Variants in UBN1 observed in about 807,000 individuals in gnomAD.
UBN1 encodes the protein ubinuclein-1.
A neutral mutation model predicts 108.5 loss-of-function variants in UBN1; 17 were observed. The observed-to-expected ratio is 0.16, with a 90% confidence interval of 0.11 to 0.24. The LOEUF (loss-of-function observed/expected upper bound fraction) is 0.24, where lower values mean the gene tolerates loss of function less well. UBN1 is among the 10% of genes least tolerant of loss of function. UBN1 has a pLI of 1.00. For missense variants in UBN1, 1,595 were observed against 1,394.4 expected, an observed-to-expected ratio of 1.14 and a Z score of -2.29; for synonymous variants, 726 against 564.2, an observed-to-expected ratio of 1.29 and a Z score of -4.07.
intron 17 of UBN1, among the ~76,000 whole-genome samples, chr16:4,879,726 G>A (rs190454676): frequency 6.6e-6 from 1 of 152,346 alleles, no homozygotes; most frequent in African/African-American, 2.4e-5. Flanking sequence ...TTGATGGTAA[G>A]AGAATGAATG....
intron 1 of UBN1, 85 bp from the exon 2 acceptor site, chr16:4,852,794 C>A: frequency 1.5e-6 from 2 of 1,307,546 alleles, no homozygotes; most frequent in Non-Finnish European, 1.0e-6. Flanking sequence ...CAATGAAATT[C>A]TCTTAAACTT....
intron 2 of UBN1, among the ~76,000 whole-genome samples, chr16:4,856,027 G>C (rs1022089347): frequency 6.6e-6 from 1 of 152,238 alleles, no homozygotes; most frequent in Non-Finnish European, 1.5e-5. Context: ...TCAGCCTGTT[G>C]CATGAGCACC....
At chr16:4,859,289 A>G in intron 5 of UBN1, 130 bp downstream of exon 5, 2 of 1,309,736 alleles carry the variant, frequency 1.5e-6, no homozygotes, top group South Asian at 2.8e-5. Flanking sequence ...GAGCCGTGCC[A>G]GGTTGATGGC....
intron 1 of UBN1, chr16:4,852,560 T>G (rs2142113998): frequency 6.2e-6 from 1 of 160,538 alleles, no homozygotes; most frequent in Admixed American, 6.2e-5. Context: ...TTAGACAAAT[T>G]AAATGGAAAA....
chr16:4,881,305 A>C lies in UBN1; in HGVS notation c.*1173A>C, dbSNP rs779473831. ...CTGGGGCTCTCCAGGCAGTGGGGTT[A>C]TGTGTCGACTGAAGGGTGATGTGCA... On this transcript the variant is annotated 3_prime_UTR_variant, in exon 18 of 18. Transcript: ENST00000262376. 9 of 152,584 alleles carry C rather than the reference A, an allele frequency of 5.9e-5. No homozygotes were observed. Among genetic ancestry groups the C allele is most frequent in the Non-Finnish European group, 1.2e-4 (8 of 68,086 alleles). The allele number at this position is 152,584 out of a possible 1,614,324, so 9.5% of individuals were successfully genotyped here. A position where few individuals can be genotyped will look rare whatever the true frequency, so the allele number is the denominator to read the frequency against.
At chr16:4,862,040 T>G (rs190167635) in intron 7 of UBN1, among the ~76,000 whole-genome samples, 1 of 152,366 alleles carries the variant, frequency 6.6e-6, no homozygotes, top group Non-Finnish European at 1.5e-5. Context: ...TCTGTTCAAG[T>G]AACACATTTC....
At position 4,866,436 on chromosome 16, in the gene UBN1, A is replaced by T. The variant is rs562166387; in HGVS notation, c.1111-2397A>T. Among the ~76,000 whole-genome samples the T allele has an allele frequency of 3.3e-5, 5 of 152,374 alleles. No homozygotes were observed. In the East Asian group the frequency reaches 9.6e-4, roughly 29 times the overall value. On this transcript the variant is annotated intron_variant, in intron 7 of 17. Coordinates refer to ENST00000262376, the MANE Select transcript of UBN1 (RefSeq NM_001079514.3). ...TCTTCATTTGTTGATTCATTCACTC[A>T]GTCAACATTTAGTAAATATTATGTG...
intron 8 of UBN1, 123 bp from the exon 9 acceptor site, chr16:4,870,089 G>A: frequency 7.0e-7 from 1 of 1,428,412 alleles, no homozygotes; most frequent in Non-Finnish European, 9.5e-7. Flanking sequence ...GTTACATTGT[G>A]TGACCAACAA....
At chr16:4,861,351 C>CT (rs1179459176) in intron 7 of UBN1, among the ~76,000 whole-genome samples, 1 of 152,218 alleles carries the variant, frequency 6.6e-6, no homozygotes, top group Non-Finnish European at 1.5e-5. Context: ...AGATTGTTCT[C>CT]TTTCTGTTTT....
rs1009174275 is a variant in UBN1, at chr16:4,880,001, C to T, written c.3356-82C>T. The T allele has an allele frequency of 6.1e-6, 9 of 1,482,316 alleles. No individual in the cohort carries two copies. The East Asian group carries it at 2.0e-4, about 34-fold the overall frequency. 91.8% of individuals were successfully genotyped at this position (1,482,316 alleles called of 1,614,324 possible). ...GGGACTTTTGCTATTTAGGTGTCTC[C>T]CTTGAAGTTTGGTTACTACTGCCTT... is the stretch of plus-strand genomic sequence containing the variant. On this transcript the variant is annotated intron_variant, in intron 17 of 17. Coordinates refer to ENST00000262376, the MANE Select transcript of UBN1 (RefSeq NM_001079514.3).
chr16:4,874,330 G>A lies in UBN1; in HGVS notation c.1920G>A (p.Glu640=). 1.9e-6 allele frequency: 3 copies of A among 1,614,160 alleles called. No homozygotes were observed. Among genetic ancestry groups the A allele is most frequent in the South Asian group, 1.1e-5 (1 of 91,080 alleles). ...GGLSIGASSR[E]LPSQASGGLA... is the part of the protein sequence containing the mutation. ...TGAGTATTGGGGCCTCGAGCAGGGA[G>A]CTCCCATCCCAGGCATCGGGCGGCC... is the stretch of plus-strand genomic sequence containing the variant. The change falls in exon 15 of 18, where the codon GAG becomes GAA. Residue 640 remains glutamate, a synonymous_variant. Transcript: ENST00000262376.
At chr16:4,848,459 T>C (rs1473631766) in intron 1 of UBN1, 2 of 152,218 alleles carry the variant, frequency 1.3e-5, no homozygotes, top group African/African-American at 4.8e-5. Context: ...AAGGATTGAC[T>C]TAGACTTGGT....
At position 4,871,215 on chromosome 16, in the gene UBN1, C is replaced by G. The variant is rs770053372; in HGVS notation, c.1620C>G (p.Asn540Lys). Reference protein sequence around the residue: ...KLESQDLERNNKAQAWEDCVK... With the variant: ...KLESQDLERNKKAQAWEDCVK... The stretch of plus-strand genomic sequence containing the variant: ...AGAGCCAGGACCTGGAGAGGAACAA[C>G]AAAGCCCAGGCTTGGGAGGACTGTG... The change falls in exon 12 of 18, where the codon AAC (asparagine) becomes AAG (lysine). Residue 540 changes from asparagine (N) to lysine (K), a missense_variant. Physicochemically the swap from Asn to Lys is moderately conservative, Grantham distance 94. Around this residue, in one of 3 missense-constraint regions of UBN1, gnomAD observed 1,398 missense variants for 1,194.7 expected, o/e 1.17. Transcript: ENST00000262376. 6.2e-7 allele frequency: 1 copy of G among 1,614,258 alleles called. No individual in the cohort carries two copies. Among genetic ancestry groups the G allele is most frequent in the Non-Finnish European group, 8.5e-7 (1 of 1,180,052 alleles).
At position 4,868,923 on chromosome 16, in the gene UBN1, C is replaced by T; in HGVS notation, c.1181+20C>T. 2.5e-6 allele frequency: 4 copies of T among 1,612,452 alleles called. No individual in the cohort carries two copies. Among genetic ancestry groups the T allele is most frequent in the Admixed American group, 1.7e-5 (1 of 59,840 alleles). On this transcript the variant is annotated intron_variant, in intron 8 of 17. Coordinates refer to ENST00000262376, the MANE Select transcript of UBN1 (RefSeq NM_001079514.3). ...ATTAGAGTGAGTATCGTCTGTCTGT[C>T]TGTCTGTCTGTCTGTTTCTGCTATT...
At position 4,872,930 on chromosome 16, in the gene UBN1, A is replaced by G. The variant is rs778289948; in HGVS notation, c.1753A>G (p.Ile585Val). ...SRRGHGHLTSILAKKKVMAPS... is the reference protein window; with the variant it reads ...SRRGHGHLTSVLAKKKVMAPS... ...ACGAGGCCATGGGCACCTGACTTCA[A>G]TCCTGTGAGTGTCTTGGTATTTTCA... is the stretch of plus-strand genomic sequence containing the variant. The change falls in exon 13 of 18, where the codon ATC becomes GTC. Residue 585 changes from isoleucine to valine, a missense_variant. Ile to Val is a conservative substitution (Grantham distance 29). Coordinates refer to ENST00000262376, the MANE Select transcript of UBN1 (RefSeq NM_001079514.3). 2 of 1,614,196 alleles carry G rather than the reference A, an allele frequency of 1.2e-6. No homozygotes were observed. Among genetic ancestry groups the G allele is most frequent in the Admixed American group, 1.7e-5 (1 of 60,024 alleles).
intron 7 of UBN1, among the ~76,000 whole-genome samples, chr16:4,862,632 G>T (rs185368159): frequency 2.0e-5 from 3 of 152,188 alleles, no homozygotes; most frequent in Non-Finnish European, 2.9e-5. Context: ...TCTATGTGAC[G>T]ATAGATGGTC....
In UBN1 at chr16:4,873,216, A is replaced by G; in HGVS notation, c.1800+143A>G. On this transcript the variant is annotated intron_variant, in intron 14 of 17. Coordinates refer to ENST00000262376, the MANE Select transcript of UBN1 (RefSeq NM_001079514.3). ...TCAGGATGACATTCTTGAAGTCATA[A>G]CAGGACAGAGACCCAAGCCACTTAA... is the stretch of plus-strand genomic sequence containing the variant. 2 of 1,241,550 alleles carry G rather than the reference A, an allele frequency of 1.6e-6. 1 individual carries two copies. The highest frequency in any genetic ancestry group is 2.6e-5 in the South Asian group (2 of 76,884). The allele number at this position is 1,241,550 out of a possible 1,614,324, so 76.9% of individuals were successfully genotyped here.
At position 4,874,751 on chromosome 16, in the gene UBN1, G is replaced by A. The variant is rs745531897; in HGVS notation, c.2341G>A (p.Ala781Thr). The A allele has an allele frequency of 1.9e-6, 3 of 1,613,978 alleles. No homozygotes were observed. The East Asian group carries it at 6.7e-5, about 36-fold the overall frequency. Residue 781 changes from alanine (A) to threonine (T), a missense_variant, in exon 15 of 18, where the codon GCT (alanine) becomes ACT (threonine). Ala to Thr is a moderately conservative substitution (Grantham distance 58). Coordinates refer to ENST00000262376, the MANE Select transcript of UBN1 (RefSeq NM_001079514.3). Reference protein sequence around the residue: ...KGLPEVHQSKAKHHSLPRTSH... With the variant: ...KGLPEVHQSKTKHHSLPRTSH... ...CCTGCCAGAAGTACATCAGTCCAAA[G>A]CTAAGCACCACAGCTTGCCACGGAC... is the stretch of plus-strand genomic sequence containing the variant.
intron 17 of UBN1, among the ~76,000 whole-genome samples, chr16:4,879,170 A>G (rs1027203226): frequency 6.6e-5 from 10 of 152,224 alleles, no homozygotes; most frequent in African/African-American, 2.4e-4. Flanking sequence ...GTCGCCAGCA[A>G]AAGGAGATGA....
Sources: gnomAD v4.1 joint callset for allele counts (sites outside exome capture counted in the v4.1 genomes callset) on GRCh38, gnomAD v4.1.1 for gene constraint, gnomAD v4.1.1 regional missense constraint, MANE v1.5 for transcripts, NCBI Gene and HGNC (gene_info 2026-07-23, HGNC 2026-07-21) for gene names.